RALYL: variants seen among roughly 807,000 people sequenced by gnomAD.
RALYL encodes the protein RNA-binding Raly-like protein.
Under a neutral mutation model 35.1 loss-of-function variants are expected in RALYL, and 29 were observed. The observed-to-expected ratio is 0.83, with a 90% confidence interval of 0.61 to 1.13. The LOEUF (loss-of-function observed/expected upper bound fraction) is 1.13. RALYL is among the 50% of genes most tolerant of loss of function. The pLI is 0.00. For synonymous variants in RALYL, 120 were observed against 127.6 expected (o/e 0.94, Z 0.40); for missense variants, 359 against 360.4 (o/e 1.00, Z 0.03).
intron 1 of RALYL, among the ~76,000 whole-genome samples, chr8:84,407,071 C>A (rs868035395): frequency 7.0e-5 from 9 of 128,306 alleles, no homozygotes; most frequent in Admixed American, 2.3e-4. Flanking sequence ...CACACACAAA[C>A]ACACACACAC....
chr8:84,687,883 T>G (rs1400838446), intron 2 of RALYL, among the ~76,000 whole-genome samples: 1 of 152,078 alleles, frequency 6.6e-6, no homozygotes, highest in Non-Finnish European at 1.5e-5. Context: ...CTTTGATTCT[T>G]ATTTTTATTT....
intron 7 of RALYL, among the ~76,000 whole-genome samples, chr8:84,880,376 C>T (rs1178960569): frequency 1.3e-5 from 2 of 152,010 alleles, no homozygotes; most frequent in Non-Finnish European, 2.9e-5. Context: ...TTGTGAATAA[C>T]TCAATCACAG....
At chr8:84,731,048 T>C (rs973936177) in intron 2 of RALYL, among the ~76,000 whole-genome samples, 3 of 151,928 alleles carry the variant, frequency 2.0e-5, no homozygotes, top group Non-Finnish European at 2.9e-5. Context: ...GGCAGAAACA[T>C]TTTTTTGGTG....
intron 1 of RALYL, among the ~76,000 whole-genome samples, chr8:84,358,059 A>G (rs984725247): frequency 1.6e-4 from 24 of 151,996 alleles, no homozygotes; most frequent in Non-Finnish European, 2.2e-4. Context: ...GGAGCCATTC[A>G]TACTGCTTTC....
At chr8:84,561,232 A>G in intron 2 of RALYL, among the ~76,000 whole-genome samples, 1 of 152,070 alleles carries the variant, frequency 6.6e-6, no homozygotes, top group Non-Finnish European at 1.5e-5. Flanking sequence ...TCAGACACAG[A>G]AAGAAAAATA....
intron 1 of RALYL, among the ~76,000 whole-genome samples, chr8:84,505,186 C>T (rs1174546706): frequency 6.6e-6 from 1 of 152,090 alleles, no homozygotes; most frequent in East Asian, 1.9e-4. Context: ...TGCACCTTAC[C>T]TCGGTTTAGT....
At chr8:84,516,768 G>T (rs1369506589) in intron 1 of RALYL, among the ~76,000 whole-genome samples, 1 of 151,866 alleles carries the variant, frequency 6.6e-6, no homozygotes, top group East Asian at 1.9e-4. Flanking sequence ...CTTCAGCTGG[G>T]GATTCTGGTT....
At chr8:84,496,606 G>C (rs2134136215) in intron 1 of RALYL, among the ~76,000 whole-genome samples, 1 of 152,140 alleles carries the variant, frequency 6.6e-6, no homozygotes, top group South Asian at 2.1e-4. Flanking sequence ...CCCCTTAGTA[G>C]TGCAAACATA....
chr8:84,419,395 C>T (rs371999077), intron 1 of RALYL, among the ~76,000 whole-genome samples: 1 of 152,136 alleles, frequency 6.6e-6, no homozygotes, highest in Non-Finnish European at 1.5e-5. Flanking sequence ...CTGCCTGGAA[C>T]TCACTGCCTT....
At chr8:84,697,381 G>A (rs957122354) in intron 2 of RALYL, among the ~76,000 whole-genome samples, 2 of 151,898 alleles carry the variant, frequency 1.3e-5, no homozygotes, top group Non-Finnish European at 2.9e-5. Context: ...GTGTGTATGG[G>A]CACCTAATTT....
At chr8:84,688,944 G>T (rs1837414759) in intron 2 of RALYL, among the ~76,000 whole-genome samples, 1 of 151,912 alleles carries the variant, frequency 6.6e-6, no homozygotes, top group Non-Finnish European at 1.5e-5. Context: ...CATACAAAGG[G>T]CCAACAGGTA....
intron 2 of RALYL, among the ~76,000 whole-genome samples, chr8:84,601,491 C>T (rs887238266): frequency 3.9e-5 from 6 of 151,974 alleles, no homozygotes; most frequent in Admixed American, 2.6e-4. Context: ...GAGTTTCTGC[C>T]GGGAAGCCTA....
At chr8:84,764,871 C>T (rs756405705) in intron 2 of RALYL, among the ~76,000 whole-genome samples, 1 of 152,182 alleles carries the variant, frequency 6.6e-6, no homozygotes, top group Non-Finnish European at 1.5e-5. Context: ...GGAAAAACAA[C>T]AACATTAGAA....
chr8:84,797,021 T>TATCA (rs1376880062), intron 3 of RALYL, among the ~76,000 whole-genome samples: 11 of 152,332 alleles, frequency 7.2e-5, no homozygotes, highest in African/African-American at 2.4e-4. Flanking sequence ...TTCCTGCTAC[T>TATCA]ATCACAGAGT....
intron 8 of RALYL, among the ~76,000 whole-genome samples, chr8:84,895,420 A>AT (rs1362595090): frequency 1.7e-4 from 25 of 149,902 alleles, no homozygotes; most frequent in Admixed American, 1.3e-3. Context: ...CCTCTTATAT[A>AT]TTTTTTTCCA....
chr8:84,872,570 C>T (rs1407182249), intron 6 of RALYL: 1 of 152,058 alleles, frequency 6.6e-6, no homozygotes, highest in Admixed American at 6.6e-5. Flanking sequence ...GAAAAATTGT[C>T]ATCTTATGTT....
intron 2 of RALYL, among the ~76,000 whole-genome samples, chr8:84,572,939 T>A (rs911498101): frequency 1.3e-5 from 2 of 151,540 alleles, no homozygotes; most frequent in African/African-American, 4.8e-5. Flanking sequence ...TTTTTTTGCT[T>A]AATTTTTTTA....
chr8:84,754,571 A>G (rs1383535650), intron 2 of RALYL, among the ~76,000 whole-genome samples: 1 of 152,140 alleles, frequency 6.6e-6, no homozygotes, highest in Admixed American at 6.5e-5. Flanking sequence ...TGAAATCCTC[A>G]TACTTGAAGA....
intron 1 of RALYL, among the ~76,000 whole-genome samples, chr8:84,301,655 C>T (rs1840811527): frequency 6.6e-6 from 1 of 152,066 alleles, no homozygotes; most frequent in Non-Finnish European, 1.5e-5. Context: ...CTAAATTGTA[C>T]ATCCATAGGG....
Sources: gnomAD v4.1 joint callset for allele counts (sites outside exome capture counted in the v4.1 genomes callset) on GRCh38, gnomAD v4.1.1 for gene constraint, MANE v1.5 for transcripts, NCBI Gene and HGNC (gene_info 2026-07-23, HGNC 2026-07-21) for gene names.